Variants in TRIO observed in about 807,000 individuals in gnomAD.
TRIO encodes trio Rho guanine nucleotide exchange factor.
TRIO carries 58 observed loss-of-function variants against 351.9 expected under a neutral mutation model. The observed-to-expected ratio is 0.16, with a 90% CI of 0.13 to 0.21. TRIO has a LOEUF of 0.21. Among genes scored for constraint, TRIO ranks in the 10% least tolerant of loss-of-function variants. The pLI is 1.00. For missense variants in TRIO, 3,201 were observed against 4,027.8 expected (o/e 0.79, Z 5.56); for synonymous variants, 1,758 against 1,595.7 (o/e 1.10, Z -2.42).
Position 14,232,447 on chromosome 5 carries a change from C to T in TRIO, c.158-38378C>T, listed in dbSNP as rs199766067. ...CACCCCCACTCCTTGACCTCTATAA[C>T]GCTCAGCTTTATACTTGGTTACGTT... is the stretch of plus-strand genomic sequence containing the variant. On this transcript the variant is annotated intron_variant, in intron 1 of 56. Transcript: ENST00000344204. Among the ~76,000 whole-genome samples the T allele has an allele frequency of 7.2e-5, 11 of 152,346 alleles. No homozygotes were observed. The East Asian group carries it at 1.4e-3, about 19-fold the overall frequency.
intron 1 of TRIO, among the ~76,000 whole-genome samples, chr5:14,153,086 A>G (rs1482830903): frequency 6.6e-6 from 1 of 152,218 alleles, no homozygotes; most frequent in African/African-American, 2.4e-5. Context: ...GAAGCTGTCC[A>G]CTGAACCAAA....
At chr5:14,243,228 CT>C (rs1197925243) in intron 1 of TRIO, among the ~76,000 whole-genome samples, 1 of 152,132 alleles carries the variant, frequency 6.6e-6, no homozygotes, top group Non-Finnish European at 1.5e-5. Context: ...GTCCTGGTCC[CT>C]GCCTCTGCTG....
At chr5:14,479,783 G>C (rs571633946) in intron 42 of TRIO, 136 bp from the exon 43 acceptor site, 10 of 696,220 alleles carry the variant, frequency 1.4e-5, no homozygotes, top group Non-Finnish European at 2.1e-5. Context: ...AACTAGCAAA[G>C]CTCTAGTTAG....
intron 9 of TRIO, 119 bp from the exon 10 acceptor site, chr5:14,330,659 G>C (rs756618356): frequency 1.1e-5 from 14 of 1,286,762 alleles, no homozygotes; most frequent in Non-Finnish European, 1.4e-5. Flanking sequence ...TTTTTTTCTC[G>C]TTTGCTTCTT....
intron 8 of TRIO, among the ~76,000 whole-genome samples, chr5:14,314,686 T>C (rs1739227073): frequency 6.6e-6 from 1 of 152,228 alleles, no homozygotes; most frequent in African/African-American, 2.4e-5. Context: ...TGTGCTAATA[T>C]CCTGCTCATT....
rs165093 is a variant in TRIO at position 14,271,780 on chromosome 5, A to G, written c.232+881A>G. Among the ~76,000 whole-genome samples the G allele has an allele frequency of 8.1e-3, 1,241 of 152,388 alleles. 13 individuals carry two copies. The highest frequency in any genetic ancestry group is 0.028 in the African/African-American group (1,170 of 41,590). On this transcript the variant is annotated intron_variant, in intron 2 of 56. Coordinates refer to ENST00000344204, the MANE Select transcript of TRIO (RefSeq NM_007118.4). ...CTGATCTGTGTATCCTCTTGAACAC[A>G]TATCATTTTTAATATATAACACTGC... is the stretch of plus-strand genomic sequence containing the variant.
chr5:14,161,067 AC>A (rs1788421448), intron 1 of TRIO, among the ~76,000 whole-genome samples: 1 of 151,886 alleles, frequency 6.6e-6, no homozygotes, highest in Non-Finnish European at 1.5e-5. Context: ...GCGCCACCAC[AC>A]CCGGCTAATT....
chr5:14,346,394 G>A (rs888915498), intron 11 of TRIO, among the ~76,000 whole-genome samples: 5 of 152,202 alleles, frequency 3.3e-5, no homozygotes, highest in Admixed American at 1.3e-4. Context: ...ATCTAAGCAC[G>A]TTCAAGCCTC....
intron 34 of TRIO, among the ~76,000 whole-genome samples, chr5:14,435,328 A>G (rs1751494189): frequency 1.3e-5 from 2 of 152,196 alleles, no homozygotes; most frequent in Admixed American, 1.3e-4. Flanking sequence ...TCCCCGCTGC[A>G]AAGGGTGCAG....
chr5:14,428,920 G>A (rs769305859), intron 34 of TRIO, among the ~76,000 whole-genome samples: 6 of 152,176 alleles, frequency 3.9e-5, no homozygotes, highest in African/African-American at 1.2e-4. Flanking sequence ...GTACCAGGCC[G>A]CCACGTCCTC....
intron 1 of TRIO, among the ~76,000 whole-genome samples, chr5:14,264,716 A>G (rs1380299297): frequency 6.6e-6 from 1 of 152,234 alleles, no homozygotes; most frequent in Non-Finnish European, 1.5e-5. Flanking sequence ...TGATAGCACA[A>G]ACATCGGGCA....
chr5:14,248,673 C>T lies in TRIO; in HGVS notation c.158-22152C>T, dbSNP rs947065508. The stretch of plus-strand genomic sequence containing the variant: ...CCCACCTATCTTGTTCATCCTCCCT[C>T]GCTGTCAGGAACTGCTACCCTGGGC... On this transcript the variant is annotated intron_variant, in intron 1 of 56. Coordinates refer to ENST00000344204, the MANE Select transcript of TRIO (RefSeq NM_007118.4). Among the ~76,000 whole-genome samples, 16 of 152,296 alleles carry T rather than the reference C, an allele frequency of 1.1e-4. 1 individual carries two copies. The highest frequency in any genetic ancestry group is 3.4e-3 in the Middle Eastern group (1 of 294).
intron 1 of TRIO, among the ~76,000 whole-genome samples, chr5:14,202,294 A>ATTTTTTTTTTTTTTTTTTTTTTTT (rs60827656): frequency 1.5e-4 from 5 of 33,560 alleles, no homozygotes; most frequent in South Asian, 1.1e-3. Context: ...TATTTTTGTG[A>ATTTTTTTTTTTTTTTTTTTTTTTT]TTTTTTTTTT....
intron 28 of TRIO, among the ~76,000 whole-genome samples, chr5:14,395,514 G>A (rs541006374): frequency 1.2e-4 from 19 of 152,310 alleles, no homozygotes; most frequent in Non-Finnish European, 2.6e-4. Flanking sequence ...TCCCCAACAA[G>A]GAAGGTTTTC....
At chr5:14,298,676 C>T (rs1737579484) in intron 7 of TRIO, among the ~76,000 whole-genome samples, 1 of 151,976 alleles carries the variant, frequency 6.6e-6, no homozygotes, top group Non-Finnish European at 1.5e-5. Context: ...ACTCTAGAGA[C>T]CTTTAAAGTA....
chr5:14,332,498 T>C (rs1189717762), intron 10 of TRIO, among the ~76,000 whole-genome samples: 1 of 152,240 alleles, frequency 6.6e-6, no homozygotes, highest in Non-Finnish European at 1.5e-5. Flanking sequence ...CGTTAGAGCA[T>C]GCATATGTAC....
At chr5:14,391,825 C>G (rs1747108443) in intron 27 of TRIO, among the ~76,000 whole-genome samples, 1 of 152,188 alleles carries the variant, frequency 6.6e-6, no homozygotes, top group Non-Finnish European at 1.5e-5. Flanking sequence ...CAGTTTCTAT[C>G]TTTGAGATGA....
Position 14,281,341 on chromosome 5 carries a change from G to A in TRIO, c.347+905G>A, listed in dbSNP as rs186346390. ...GGAAGAGGGTGGAGGTAGGGGGTCA[G>A]GTGCCACACACTTTTAAACAACCAG... On this transcript the variant is annotated intron_variant, in intron 3 of 56. Transcript: ENST00000344204. Among the ~76,000 whole-genome samples, 13 of 152,038 alleles carry A rather than the reference G, an allele frequency of 8.6e-5. No homozygotes were observed. The East Asian group carries it at 2.5e-3, about 29-fold the overall frequency.
intron 49 of TRIO, among the ~76,000 whole-genome samples, chr5:14,496,568 C>T (rs1478254351): frequency 6.6e-6 from 1 of 152,214 alleles, no homozygotes; most frequent in Non-Finnish European, 1.5e-5. Flanking sequence ...CAGAAACACC[C>T]TCACAGGAAT....
Sources: allele counts gnomAD v4.1 joint callset (sites outside exome capture counted in the v4.1 genomes callset), GRCh38; gene constraint gnomAD v4.1.1; transcripts MANE v1.5; gene names NCBI Gene and HGNC (gene_info 2026-07-23, HGNC 2026-07-21).